The following EBF2 variants were observed in gnomAD, a reference collection of about 807,000 sequenced individuals.
The protein encoded by EBF2 is EBF transcription factor 2, also known as transcription factor COE2.
Under a neutral mutation model 72.8 loss-of-function variants are expected in EBF2, and 21 were observed. That is an observed-to-expected ratio of 0.29 (90% confidence interval 0.20 to 0.42). The LOEUF is 0.42. EBF2 is among the 10% of genes least tolerant of loss of function. The pLI is 1.00. For missense variants in EBF2, 637 were observed against 731.2 expected (o/e 0.87, Z 1.49); for synonymous variants, 299 against 274.2 (o/e 1.09, Z -0.89).
rs538870215 is a variant in EBF2, at chr8:26,018,039, G to GA, written c.551+15045dup. ...TTATTTCTTTGGTACTTCATAGAAG[G>GA]AAAAAAAAAATCTTACAGCAAAGAT... On this transcript the variant is annotated intron_variant, in intron 6 of 15. Coordinates refer to ENST00000520164, the MANE Select transcript of EBF2 (RefSeq NM_022659.4). 6.9e-3 allele frequency among the ~76,000 whole-genome samples: 1,016 copies of GA among 147,444 alleles called. 9 individuals carry two copies. Among genetic ancestry groups the GA allele is most frequent in the African/African-American group, 0.014 (556 of 40,286 alleles).
chr8:25,877,939 G>C (rs554006503), intron 10 of EBF2, among the ~76,000 whole-genome samples: 58 of 152,238 alleles, frequency 3.8e-4, no homozygotes, highest in Non-Finnish European at 4.0e-4. Context: ...GCATGATTTG[G>C]CATTGTCTGG....
chr8:25,944,992 A>G (rs1205739589), intron 6 of EBF2, among the ~76,000 whole-genome samples: 1 of 152,100 alleles, frequency 6.6e-6, no homozygotes, highest in Non-Finnish European at 1.5e-5. Flanking sequence ...TTTCAAAAGT[A>G]AAACAAAGCA....
At chr8:25,966,198 C>T (rs527511296) in intron 6 of EBF2, among the ~76,000 whole-genome samples, 5 of 152,320 alleles carry the variant, frequency 3.3e-5, no homozygotes, top group Middle Eastern at 3.4e-3. Context: ...TAGAGATGAT[C>T]CATGGTTTTC....
chr8:25,859,821 A>G (rs1032389621), intron 13 of EBF2, among the ~76,000 whole-genome samples: 1 of 151,342 alleles, frequency 6.6e-6, no homozygotes. Flanking sequence ...GACTCAATCT[A>G]TCCTCCCACC....
intron 6 of EBF2, among the ~76,000 whole-genome samples, chr8:25,944,139 GGA>G (rs1563408955): frequency 2.0e-5 from 3 of 152,136 alleles, no homozygotes; most frequent in Non-Finnish European, 2.9e-5. Context: ...GGTACTCTAC[GGA>G]GATAAGAGAA....
chr8:25,957,951 C>A (rs1803976098), intron 6 of EBF2, among the ~76,000 whole-genome samples: 1 of 152,126 alleles, frequency 6.6e-6, no homozygotes, highest in African/African-American at 2.4e-5. Flanking sequence ...CTGAGCCCTG[C>A]CAGATGGGAG....
At chr8:26,021,000 C>G (rs548723977) in intron 6 of EBF2, among the ~76,000 whole-genome samples, 1 of 152,194 alleles carries the variant, frequency 6.6e-6, no homozygotes, top group Non-Finnish European at 1.5e-5. Flanking sequence ...ATTTATCACT[C>G]GAGCCTAAAC....
intron 6 of EBF2, among the ~76,000 whole-genome samples, chr8:25,937,519 G>C (rs1277640543): frequency 6.6e-6 from 1 of 152,058 alleles, no homozygotes; most frequent in East Asian, 1.9e-4. Flanking sequence ...TGGATTTATT[G>C]TTTCATCAAT....
intron 10 of EBF2, among the ~76,000 whole-genome samples, chr8:25,884,138 C>G (rs1472279537): frequency 2.0e-5 from 3 of 152,154 alleles, no homozygotes; most frequent in Non-Finnish European, 4.4e-5. Flanking sequence ...ACCTCATCTC[C>G]CATCACTCTC....
At chr8:25,962,654 A>G (rs771513180) in intron 6 of EBF2, among the ~76,000 whole-genome samples, 6 of 152,216 alleles carry the variant, frequency 3.9e-5, no homozygotes, top group Non-Finnish European at 7.3e-5. Context: ...AAACAAAGAC[A>G]GTCCAAGCGA....
intron 6 of EBF2, among the ~76,000 whole-genome samples, chr8:25,916,150 G>A (rs906936629): frequency 6.6e-4 from 100 of 151,744 alleles, no homozygotes; most frequent in African/African-American, 2.4e-3. Context: ...GCCAGGTGTG[G>A]TGGTGCACAC....
In EBF2 at chr8:25,865,892, G is replaced by C. The variant is rs541016895; in HGVS notation, c.1010-3095C>G. 1.6e-4 allele frequency among the ~76,000 whole-genome samples: 24 copies of C among 151,950 alleles called. No individual in the cohort carries two copies. The South Asian group carries it at 4.6e-3, about 29-fold the overall frequency. On this transcript the variant is annotated intron_variant, in intron 10 of 15. Transcript: ENST00000520164. ...TACAAAAAATTAGCCGGGCGTGGTG[G>C]CGGGTGCCTGTAGTCCCAGCTACTC...
intron 6 of EBF2, among the ~76,000 whole-genome samples, chr8:25,961,336 A>G (rs1804030770): frequency 6.6e-6 from 1 of 152,214 alleles, no homozygotes; most frequent in African/African-American, 2.4e-5. Context: ...GGATATTTCA[A>G]CCAATCTCAC....
chr8:25,992,082 G>A (rs1200116045), intron 6 of EBF2, among the ~76,000 whole-genome samples: 1 of 151,708 alleles, frequency 6.6e-6, no homozygotes, highest in Non-Finnish European at 1.5e-5. Context: ...TCAGGCTAGA[G>A]TGCAGTGGTG....
At chr8:26,030,323 G>A (rs1392957984) in intron 6 of EBF2, among the ~76,000 whole-genome samples, 6 of 151,160 alleles carry the variant, frequency 4.0e-5, no homozygotes, top group African/African-American at 7.3e-5. Flanking sequence ...TTGTCCTTGC[G>A]AAAGTTTGCT....
chr8:25,940,045 T>C (rs372962129), intron 6 of EBF2, among the ~76,000 whole-genome samples: 1 of 152,190 alleles, frequency 6.6e-6, no homozygotes, highest in Non-Finnish European at 1.5e-5. Context: ...CCCCTTCCAA[T>C]ATATTATACA....
intron 5 of EBF2, among the ~76,000 whole-genome samples, chr8:26,036,165 G>C (rs1008363992): frequency 6.6e-6 from 1 of 152,180 alleles, no homozygotes; most frequent in Non-Finnish European, 1.5e-5. Flanking sequence ...ATGATTCTGA[G>C]GGGGCTGAGT....
intron 1 of EBF2, among the ~76,000 whole-genome samples, chr8:26,042,693 G>A (rs1441040730): frequency 6.6e-6 from 1 of 152,204 alleles, no homozygotes; most frequent in Non-Finnish European, 1.5e-5. Flanking sequence ...GGGAATAAGT[G>A]CCTCCTTTGC....
chr8:26,038,570 G>GA (rs1257276262), intron 5 of EBF2, among the ~76,000 whole-genome samples: 1 of 152,070 alleles, frequency 6.6e-6, no homozygotes, highest in Non-Finnish European at 1.5e-5. Flanking sequence ...GGCATAAAAA[G>GA]AAAAACCTCC....
Sources: gnomAD v4.1 joint callset for allele counts (sites outside exome capture counted in the v4.1 genomes callset) on GRCh38, gnomAD v4.1.1 for gene constraint, MANE v1.5 for transcripts, NCBI Gene and HGNC (gene_info 2026-07-23, HGNC 2026-07-21) for gene names.